ZNF236: variants seen among roughly 807,000 people sequenced by gnomAD.
The protein encoded by ZNF236 is zinc finger protein 236.
A neutral mutation model predicts 191.2 loss-of-function variants in ZNF236; 50 were observed. The ratio of observed to expected loss-of-function variants is 0.26; its 90% CI spans 0.21 to 0.33. ZNF236 has a LOEUF of 0.33. Among genes scored for constraint, ZNF236 ranks in the 10% least tolerant of loss-of-function variants. ZNF236 has a pLI of 1.00. For synonymous variants in ZNF236, 907 were observed against 928.8 expected (o/e 0.98, Z 0.43); for missense variants, 1,754 against 2,374.5 (o/e 0.74, Z 5.43).
At chr18:76,959,624 C>T (rs1968611005) in intron 28 of ZNF236, 63 bp from the exon 29 acceptor site, 1 of 1,540,628 alleles carries the variant, frequency 6.5e-7, no homozygotes, top group Non-Finnish European at 8.8e-7. Context: ...TTTGCTTCCT[C>T]TTGTTTCTAG....
intron 7 of ZNF236, among the ~76,000 whole-genome samples, 180 bp downstream of exon 7, chr18:76,878,332 T>C (rs1476170285): frequency 1.3e-5 from 2 of 152,208 alleles, no homozygotes; most frequent in East Asian, 3.8e-4. Context: ...AATAATTAGA[T>C]GACTGATTCA....
intron 20 of ZNF236, among the ~76,000 whole-genome samples, chr18:76,921,017 C>G (rs576789772): frequency 6.6e-6 from 1 of 152,098 alleles, no homozygotes; most frequent in African/African-American, 2.4e-5. Context: ...TAAAACAAAC[C>G]GTGAAGATTT....
chr18:76,849,738 T>C, intron 2 of ZNF236, 70 bp downstream of exon 2: 1 of 1,357,630 alleles, frequency 7.4e-7, no homozygotes, highest in Non-Finnish European at 9.7e-7. Flanking sequence ...AATGAACAAG[T>C]AAAATCAAAA....
chr18:76,885,246 T>C (rs888258888), intron 9 of ZNF236: 1 of 152,318 alleles, frequency 6.6e-6, no homozygotes, highest in Non-Finnish European at 1.5e-5. Flanking sequence ...GCATCGGAGA[T>C]GCACTGTTCT....
intron 1 of ZNF236, among the ~76,000 whole-genome samples, chr18:76,847,374 C>T (rs148474378): frequency 1.6e-4 from 25 of 152,268 alleles, no homozygotes; most frequent in African/African-American, 5.5e-4. Context: ...TTCCTAACCT[C>T]GAAGCTGTTT....
rs1438048819 is a variant in ZNF236 at position 76,972,470 on chromosome 18, C to T, written c.*4131C>T. 6.6e-6 allele frequency among the ~76,000 whole-genome samples: 1 copy of T among 152,088 alleles called. No homozygotes were observed. Among genetic ancestry groups the T allele is most frequent in the Non-Finnish European group, 1.5e-5 (1 of 68,010 alleles). On this transcript the variant is annotated 3_prime_UTR_variant, in exon 31 of 31. Transcript: ENST00000320610. ...ACACTCACCCTCACACTCACCCACACACCCTCACACTCACCCTCCCTACAC... is the reference window on the plus strand; with the variant it reads ...ACACTCACCCTCACACTCACCCACATACCCTCACACTCACCCTCCCTACAC...
chr18:76,839,501 A>C (rs1975421017), intron 1 of ZNF236, among the ~76,000 whole-genome samples: 1 of 152,212 alleles, frequency 6.6e-6, no homozygotes, highest in African/African-American at 2.4e-5. Flanking sequence ...CCCTGTGAGT[A>C]GGTAGGACAG....
intron 20 of ZNF236, among the ~76,000 whole-genome samples, chr18:76,921,527 A>G (rs1355720987): frequency 1.3e-5 from 2 of 152,114 alleles, no homozygotes; most frequent in African/African-American, 4.8e-5. Context: ...AGGGTGAGAT[A>G]GTTTTCCAGT....
At chr18:76,896,729 C>T (rs1298177742) in intron 10 of ZNF236, among the ~76,000 whole-genome samples, 5 of 151,020 alleles carry the variant, frequency 3.3e-5, no homozygotes, top group Non-Finnish European at 7.4e-5. Context: ...CCACAGGGAC[C>T]ACACACAGTA....
In ZNF236 at chr18:76,968,270, G is replaced by A. The variant is rs754273805; in HGVS notation, c.5475G>A (p.Arg1825=). 2 of 1,611,892 alleles carry A rather than the reference G, an allele frequency of 1.2e-6. No homozygotes were observed. The highest frequency in any genetic ancestry group is 2.2e-5 in the East Asian group (1 of 44,846). The part of the protein sequence containing the change: ...HPEQDGEELS[R]TLHLEEVVQE... The stretch of plus-strand genomic sequence containing the variant: ...AGCAGGACGGGGAGGAGCTGAGCCG[G>A]ACCCTCCACCTGGAGGAGGTGGTGC... The change falls in exon 31 of 31, where the codon CGG becomes CGA. Residue 1825 remains arginine, a synonymous_variant. Coordinates refer to ENST00000320610, the MANE Select transcript of ZNF236 (RefSeq NM_001306089.2).
chr18:76,903,088 A>G (rs1977645528), intron 11 of ZNF236, among the ~76,000 whole-genome samples: 1 of 152,212 alleles, frequency 6.6e-6, no homozygotes, highest in Admixed American at 6.5e-5. Context: ...AGGGTTCTGA[A>G]TACTTTTTGA....
chr18:76,838,504 G>A (rs1358766914), intron 1 of ZNF236, among the ~76,000 whole-genome samples: 1 of 152,170 alleles, frequency 6.6e-6, no homozygotes, highest in Non-Finnish European at 1.5e-5. Flanking sequence ...ACAGTGTAGT[G>A]CAGGAGTTGG....
In ZNF236 at chr18:76,972,841, T is replaced by A. The variant is rs970211849; in HGVS notation, c.*4502T>A. ...GTTTTGTATTAGAAATGGATAGTGA[T>A]GCCAAAAGCCACCGTGCTGGCTTTA... On this transcript the variant is annotated 3_prime_UTR_variant, in exon 31 of 31. Transcript: ENST00000320610. 6.6e-6 allele frequency among the ~76,000 whole-genome samples: 1 copy of A among 152,230 alleles called. No individual in the cohort carries two copies. Among genetic ancestry groups the A allele is most frequent in the Non-Finnish European group, 1.5e-5 (1 of 68,042 alleles).
At chr18:76,863,360 A>G (rs1976298682) in intron 3 of ZNF236, among the ~76,000 whole-genome samples, 2 of 152,232 alleles carry the variant, frequency 1.3e-5, no homozygotes, top group African/African-American at 4.8e-5. Context: ...TCCAAACAGG[A>G]TAAACCCAAA....
intron 3 of ZNF236, among the ~76,000 whole-genome samples, chr18:76,863,580 T>G (rs925928947): frequency 6.6e-6 from 1 of 151,356 alleles, no homozygotes; most frequent in Admixed American, 6.6e-5. Flanking sequence ...CAATTACAAA[T>G]TATTCTTCTT....
chr18:76,915,490 G>T (rs1319782048), intron 18 of ZNF236, among the ~76,000 whole-genome samples, 157 bp from the exon 19 acceptor site: 4 of 142,970 alleles, frequency 2.8e-5, no homozygotes, highest in African/African-American at 7.5e-5. Context: ...CTATAATTTT[G>T]TAATTTACTT....
intron 25 of ZNF236, among the ~76,000 whole-genome samples, chr18:76,935,718 A>G (rs1304099527): frequency 1.3e-5 from 2 of 152,156 alleles, no homozygotes; most frequent in African/African-American, 4.8e-5. Context: ...CATGTTAAAA[A>G]CGTACCCGCA....
intron 1 of ZNF236, among the ~76,000 whole-genome samples, chr18:76,833,448 T>G (rs1480649710): frequency 6.6e-6 from 1 of 152,196 alleles, no homozygotes; most frequent in Non-Finnish European, 1.5e-5. Flanking sequence ...GTATTTTTTG[T>G]GGTGATCATG....
intron 3 of ZNF236, among the ~76,000 whole-genome samples, chr18:76,862,156 C>T (rs1976256534): frequency 6.6e-6 from 1 of 152,184 alleles, no homozygotes; most frequent in African/African-American, 2.4e-5. Context: ...AGCCACCCTG[C>T]CCGGCCTGGG....
Sources: allele counts gnomAD v4.1 joint callset (sites outside exome capture counted in the v4.1 genomes callset), GRCh38; gene constraint gnomAD v4.1.1; transcripts MANE v1.5; gene names NCBI Gene and HGNC (gene_info 2026-07-23, HGNC 2026-07-21).